The following CNTN5 variants were observed in gnomAD, a reference collection of about 807,000 sequenced individuals.
The protein encoded by CNTN5 is contactin 5, also known as contactin-5.
CNTN5 carries 77 observed loss-of-function variants against 129.1 expected under a neutral mutation model. The observed-to-expected ratio is 0.60, with a 90% CI of 0.50 to 0.72. The LOEUF is 0.72. Ranked by LOEUF, CNTN5 falls within the 30% of genes least tolerant of loss-of-function variation. The probability of loss-of-function intolerance (pLI) is 0.00; values close to 1 mark genes in which losing one functional copy is unlikely to be tolerated. For missense variants in CNTN5, 1,478 were observed against 1,328.8 expected (o/e 1.11, Z -1.75); for synonymous variants, 509 against 465.6 (o/e 1.09, Z -1.20).
At chr11:99,210,894 C>T (rs1275430938) in intron 1 of CNTN5, among the ~76,000 whole-genome samples, 1 of 151,996 alleles carries the variant, frequency 6.6e-6, no homozygotes, top group Non-Finnish European at 1.5e-5. Flanking sequence ...CCTAAAGTGT[C>T]TAGTACAACA....
chr11:99,854,041 CATT>C (rs1947957373), intron 6 of CNTN5, among the ~76,000 whole-genome samples: 1 of 152,122 alleles, frequency 6.6e-6, no homozygotes, highest in Admixed American at 6.6e-5. Flanking sequence ...AGAATTTACT[CATT>C]ATCTGATCCC....
chr11:99,953,538 A>G (rs1034094678), intron 7 of CNTN5, among the ~76,000 whole-genome samples: 13 of 152,222 alleles, frequency 8.5e-5, no homozygotes, highest in African/African-American at 3.1e-4. Flanking sequence ...AATCCAAAGT[A>G]TACTCTCTGG....
intron 1 of CNTN5, among the ~76,000 whole-genome samples, chr11:99,172,163 T>G (rs1861177724): frequency 1.3e-5 from 2 of 152,018 alleles, no homozygotes; most frequent in Admixed American, 1.3e-4. Context: ...CTCTGTGGCA[T>G]AGTGATATTG....
chr11:99,810,192 A>G (rs929898891), intron 3 of CNTN5, among the ~76,000 whole-genome samples: 1 of 152,188 alleles, frequency 6.6e-6, no homozygotes. Context: ...AACAATGTTC[A>G]TGCTCTATCT....
chr11:99,165,972 A>G lies in CNTN5; in HGVS notation c.-210+144702A>G, dbSNP rs574801166. 2.0e-5 allele frequency among the ~76,000 whole-genome samples: 3 copies of G among 152,344 alleles called. No individual in the cohort carries two copies. In the South Asian group the frequency reaches 6.2e-4, roughly 32 times the overall value. ...AATCCACCTTTAAATTTTGTATTAT[A>G]TTAGTACTATATGATGAATGTTTAA... On this transcript the variant is annotated intron_variant, in intron 1 of 24. Transcript: ENST00000524871.
intron 21 of CNTN5, among the ~76,000 whole-genome samples, chr11:100,310,779 G>A (rs766028208): frequency 6.6e-6 from 1 of 151,954 alleles, no homozygotes; most frequent in Non-Finnish European, 1.5e-5. Context: ...GAGACATGAT[G>A]TAATGAGAGA....
Position 100,085,364 on chromosome 11 carries a change from A to G in CNTN5, c.1580+11070A>G, listed in dbSNP as rs533095344. On this transcript the variant is annotated intron_variant, in intron 13 of 24. Transcript: ENST00000524871. ...AGTAATCAGCACAACAAAACTTCAT[A>G]TTTTGGGATAACATTCCCAAAACTC... Among the ~76,000 whole-genome samples, 4 of 152,172 alleles carry G rather than the reference A, an allele frequency of 2.6e-5. No individual in the cohort carries two copies. In the South Asian group the frequency reaches 8.3e-4, roughly 32 times the overall value.
chr11:99,300,120 T>C, intron 1 of CNTN5, among the ~76,000 whole-genome samples: 1 of 152,130 alleles, frequency 6.6e-6, no homozygotes, highest in Non-Finnish European at 1.5e-5. Context: ...TTCTTTTTCT[T>C]GCCTGATTGT....
intron 9 of CNTN5, among the ~76,000 whole-genome samples, chr11:100,055,313 C>T (rs1485957232): frequency 2.0e-5 from 3 of 151,426 alleles, no homozygotes; most frequent in Non-Finnish European, 4.4e-5. Flanking sequence ...TCTTTTTGAT[C>T]AGTATTTTAG....
At chr11:99,708,141 T>C (rs966462830) in intron 3 of CNTN5, among the ~76,000 whole-genome samples, 23 of 151,744 alleles carry the variant, frequency 1.5e-4, no homozygotes, top group Non-Finnish European at 3.2e-4. Context: ...TTCTTGATGA[T>C]GATCTTCCCC....
At chr11:99,817,605 T>TTTTTTTC (rs1239523521) in intron 3 of CNTN5, among the ~76,000 whole-genome samples, 2 of 147,280 alleles carry the variant, frequency 1.4e-5, no homozygotes, top group Non-Finnish European at 3.0e-5. Context: ...AGTTTTTTTT[T>TTTTTTTC]TTTTTTTTTT....
At chr11:99,479,947 T>C in intron 2 of CNTN5, among the ~76,000 whole-genome samples, 1 of 152,060 alleles carries the variant, frequency 6.6e-6, no homozygotes, top group East Asian at 1.9e-4. Flanking sequence ...ACCAAATTTA[T>C]TCCCAATGGC....
intron 1 of CNTN5, among the ~76,000 whole-genome samples, chr11:99,078,480 A>G (rs928644094): frequency 6.6e-6 from 1 of 152,354 alleles, no homozygotes; most frequent in African/African-American, 2.4e-5. Flanking sequence ...CTGGATGCCC[A>G]TATTTATTGT....
intron 1 of CNTN5, among the ~76,000 whole-genome samples, chr11:99,078,817 A>G (rs547284546): frequency 1.3e-5 from 2 of 152,060 alleles, no homozygotes; most frequent in African/African-American, 4.8e-5. Flanking sequence ...GGGGAGGGGG[A>G]AGTGGGATTG....
In CNTN5 at chr11:99,508,406, G is replaced by C. The variant is rs140236323; in HGVS notation, c.-70-47739G>C. On this transcript the variant is annotated intron_variant, in intron 2 of 24. Transcript: ENST00000524871. ...GCCCTTCGTATGTGATGTGGAACCC[G>C]TGGACACAGAGGGCCGGCTTTTGGA... Among the ~76,000 whole-genome samples the C allele has an allele frequency of 7.8e-3, 1,185 of 152,136 alleles. 18 individuals are homozygous for C. The highest frequency in any genetic ancestry group is 0.027 in the African/African-American group (1,125 of 41,500).
At chr11:99,838,712 C>G (rs1224192410) in intron 4 of CNTN5, among the ~76,000 whole-genome samples, 1 of 152,112 alleles carries the variant, frequency 6.6e-6, no homozygotes, top group East Asian at 1.9e-4. Context: ...GCCTTTTGGC[C>G]AAGCCAGGTA....
chr11:99,677,672 A>C (rs886189632), intron 3 of CNTN5, among the ~76,000 whole-genome samples: 1 of 151,916 alleles, frequency 6.6e-6, no homozygotes, highest in African/African-American at 2.4e-5. Context: ...ATTTCTTAAA[A>C]ATAGGTTTTC....
intron 24 of CNTN5, among the ~76,000 whole-genome samples, chr11:100,353,197 A>C (rs1952453133): frequency 6.6e-6 from 1 of 151,592 alleles, no homozygotes; most frequent in East Asian, 1.9e-4. Flanking sequence ...AGTTAATAAA[A>C]TTTGGGCAGT....
At position 100,144,211 on chromosome 11, in the gene CNTN5, GT is replaced by G. The variant is rs201780316; in HGVS notation, c.1581-46908del. Among the ~76,000 whole-genome samples the G allele has an allele frequency of 8.4e-3, 1,279 of 152,068 alleles. 15 individuals carry two copies. Among genetic ancestry groups the G allele is most frequent in the African/African-American group, 0.029 (1,200 of 41,484 alleles). ...ACAAATGAGTTTCATGGTTAAACAAGTTTTTTTATTTTATTTTTTTATTTTA... is the reference window on the plus strand; with the variant it reads ...ACAAATGAGTTTCATGGTTAAACAAGTTTTTTATTTTATTTTTTTATTTTA... On this transcript the variant is annotated intron_variant, in intron 13 of 24. Transcript: ENST00000524871.
Sources: gnomAD v4.1 joint callset for allele counts (sites outside exome capture counted in the v4.1 genomes callset) on GRCh38, gnomAD v4.1.1 for gene constraint, MANE v1.5 for transcripts, NCBI Gene and HGNC (gene_info 2026-07-23, HGNC 2026-07-21) for gene names.